Variants in RNGTT observed in about 807,000 individuals in gnomAD.
RNGTT encodes RNA guanylyltransferase and 5'-phosphatase.
RNGTT carries 33 observed loss-of-function variants against 79.3 expected under a neutral mutation model. The ratio of observed to expected loss-of-function variants is 0.42; its 90% CI spans 0.32 to 0.56. The LOEUF (loss-of-function observed/expected upper bound fraction) is 0.56. Ranked by LOEUF, RNGTT falls within the 20% of genes least tolerant of loss-of-function variation. RNGTT has a pLI of 0.17. For missense variants in RNGTT, 497 were observed against 739.1 expected (o/e 0.67, Z 3.80); for synonymous variants, 222 against 235.9 (o/e 0.94, Z 0.54).
intron 12 of RNGTT, among the ~76,000 whole-genome samples, chr6:88,790,642 T>G (rs1334861658): frequency 6.6e-6 from 1 of 152,098 alleles, no homozygotes; most frequent in African/African-American, 2.4e-5. Flanking sequence ...AAAGAAAAAT[T>G]TATACACATT....
chr6:88,782,311 T>C (rs1342483302), intron 12 of RNGTT, among the ~76,000 whole-genome samples: 1 of 152,068 alleles, frequency 6.6e-6, no homozygotes, highest in East Asian at 1.9e-4. Flanking sequence ...AACCCAAGTA[T>C]TTTATTCCAG....
At chr6:88,631,963 CTT>C (rs1477399682) in intron 14 of RNGTT, among the ~76,000 whole-genome samples, 1 of 151,982 alleles carries the variant, frequency 6.6e-6, no homozygotes, top group Non-Finnish European at 1.5e-5. Flanking sequence ...TAGGCCAACT[CTT>C]TATTTATTAT....
intron 4 of RNGTT, among the ~76,000 whole-genome samples, chr6:88,912,054 T>C (rs565145532): frequency 6.6e-6 from 1 of 152,016 alleles, no homozygotes; most frequent in African/African-American, 2.4e-5. Flanking sequence ...CTGAATTCCA[T>C]CCTGGGTGAT....
chr6:88,769,792 G>T lies in RNGTT; in HGVS notation c.1421C>A (p.Thr474Lys). The change falls in exon 13 of 16, where the codon ACA (threonine) becomes AAA (lysine). Residue 474 changes from threonine to lysine, a missense_variant. By Grantham distance (78) the Thr-to-Lys change is moderately conservative (BLOSUM62 -1). Coordinates refer to ENST00000369485, the MANE Select transcript of RNGTT (RefSeq NM_003800.5). ...TACTTACCCTTCTCCTCCCATTCTT[G>T]TTATTTTTAGACGAAAATCCACAGA... ...LNSVDFRLKI[T>K]RMGGEGLLPQ... is the part of the protein sequence containing the mutation. 6.2e-7 allele frequency: 1 copy of T among 1,608,442 alleles called. No homozygotes were observed. Among genetic ancestry groups the T allele is most frequent in the Non-Finnish European group, 8.5e-7 (1 of 1,175,696 alleles).
rs191760783 is a variant in RNGTT, at chr6:88,942,514, C to T, written c.65-1334G>A. Among the ~76,000 whole-genome samples, 367 of 152,008 alleles carry T rather than the reference C, an allele frequency of 2.4e-3. 8 individuals are homozygous for T. Among genetic ancestry groups the T allele is most frequent in the Admixed American group, 0.02 (305 of 15,254 alleles). ...GCCCCCCAGTAGCTGGGACTACAGA[C>T]GCACACCACCACACTCAGCTAATTT... On this transcript the variant is annotated intron_variant, in intron 1 of 15. Transcript: ENST00000369485.
intron 11 of RNGTT, among the ~76,000 whole-genome samples, chr6:88,843,464 T>C (rs1286461035): frequency 6.7e-6 from 1 of 149,508 alleles, no homozygotes; most frequent in African/African-American, 2.5e-5. Flanking sequence ...TACACTGACA[T>C]GGAAATATCT....
At chr6:88,689,594 C>CG (rs544397914) in intron 13 of RNGTT, among the ~76,000 whole-genome samples, 1 of 97,430 alleles carries the variant, frequency 1.0e-5, no homozygotes, top group African/African-American at 3.2e-5. Flanking sequence ...GACTCTGTCT[C>CG]AAAAAAAAAA....
chr6:88,810,583 T>TA (rs1303700614), intron 11 of RNGTT, among the ~76,000 whole-genome samples: 3 of 152,192 alleles, frequency 2.0e-5, no homozygotes, highest in Non-Finnish European at 2.9e-5. Context: ...TCAATGTGCT[T>TA]AAAATAGCAC....
At chr6:88,910,218 A>C (rs1274746793) in intron 4 of RNGTT, among the ~76,000 whole-genome samples, 2 of 152,346 alleles carry the variant, frequency 1.3e-5, no homozygotes, top group East Asian at 3.9e-4. Context: ...GAAGGTTGAA[A>C]TCCAATCCAA....
chr6:88,935,730 C>G (rs1172477916), intron 2 of RNGTT, among the ~76,000 whole-genome samples: 2 of 151,976 alleles, frequency 1.3e-5, no homozygotes, highest in African/African-American at 4.8e-5. Flanking sequence ...TGTTTGTGTT[C>G]CATTCAATTT....
chr6:88,738,828 TATAA>T (rs979878631), intron 13 of RNGTT, among the ~76,000 whole-genome samples: 3 of 139,680 alleles, frequency 2.1e-5, no homozygotes, highest in Non-Finnish European at 3.1e-5. Flanking sequence ...AACTAAAGTC[TATAA>T]ATAAAATACA....
chr6:88,815,891 G>A (rs1780298919), intron 11 of RNGTT, among the ~76,000 whole-genome samples: 1 of 152,102 alleles, frequency 6.6e-6, no homozygotes, highest in African/African-American at 2.4e-5. Flanking sequence ...TAAAGTAACA[G>A]GAAAATGGAA....
intron 1 of RNGTT, among the ~76,000 whole-genome samples, chr6:88,946,985 G>A (rs1250486645): frequency 1.4e-5 from 1 of 73,156 alleles, no homozygotes; most frequent in Non-Finnish European, 2.8e-5. Flanking sequence ...GCGTGATCTC[G>A]GCTCACTACA....
chr6:88,896,792 T>G (rs1488881433), intron 6 of RNGTT, among the ~76,000 whole-genome samples: 1 of 152,186 alleles, frequency 6.6e-6, no homozygotes, highest in Non-Finnish European at 1.5e-5. Context: ...TTGCCCTACA[T>G]TCATCAAAAA....
intron 13 of RNGTT, among the ~76,000 whole-genome samples, chr6:88,730,020 A>G (rs963345786): frequency 6.6e-6 from 1 of 152,146 alleles, no homozygotes; most frequent in Non-Finnish European, 1.5e-5. Context: ...GGCACTTACT[A>G]AAACCTTCCT....
intron 5 of RNGTT, among the ~76,000 whole-genome samples, chr6:88,906,140 T>C (rs1433875512): frequency 6.6e-6 from 1 of 152,038 alleles, no homozygotes; most frequent in Non-Finnish European, 1.5e-5. Flanking sequence ...GAGGAAACCT[T>C]GTCTCAAAGA....
chr6:88,680,254 T>C (rs1194724358), intron 13 of RNGTT, among the ~76,000 whole-genome samples: 4 of 152,164 alleles, frequency 2.6e-5, no homozygotes, highest in African/African-American at 9.7e-5. Flanking sequence ...ATTTAACTTC[T>C]CTGAAATTGA....
chr6:88,821,343 C>A (rs1780490849), intron 11 of RNGTT, among the ~76,000 whole-genome samples: 1 of 151,950 alleles, frequency 6.6e-6, no homozygotes, highest in Non-Finnish European at 1.5e-5. Flanking sequence ...CTTAGAAACA[C>A]TAAAGAAAAA....
intron 4 of RNGTT, among the ~76,000 whole-genome samples, chr6:88,918,882 T>C (rs1784078840): frequency 6.6e-6 from 1 of 152,210 alleles, no homozygotes; most frequent in Non-Finnish European, 1.5e-5. Context: ...GTATCCAATT[T>C]TTACTCTTGC....
Sources: allele counts gnomAD v4.1 joint callset (sites outside exome capture counted in the v4.1 genomes callset), GRCh38; gene constraint gnomAD v4.1.1; transcripts MANE v1.5; gene names NCBI Gene and HGNC (gene_info 2026-07-23, HGNC 2026-07-21).